The following SLC25A42 variants were observed in gnomAD, a reference collection of about 807,000 sequenced individuals.
SLC25A42 encodes solute carrier family 25 member 42.
SLC25A42 carries 19 observed loss-of-function variants against 34.7 expected under a neutral mutation model. The ratio of observed to expected loss-of-function variants is 0.55; its 90% CI spans 0.38 to 0.80. SLC25A42 has a LOEUF of 0.80. Among genes scored for constraint, SLC25A42 ranks in the 30% least tolerant of loss-of-function variants. The pLI is 0.00. For missense variants in SLC25A42, 364 were observed against 441.3 expected (o/e 0.82, Z 1.57); for synonymous variants, 205 against 191.2 (o/e 1.07, Z -0.59).
In SLC25A42 at chr19:19,077,624, A is replaced by C. The variant is rs111711656; in HGVS notation, c.-35+13509A>C. ...AGTATGCAGCTGGGCACAGTGGCTC[A>C]CACGTGTAATCCCAGCGCTTTGGGA... On this transcript the variant is annotated intron_variant, in intron 1 of 7. Coordinates refer to ENST00000318596, the MANE Select transcript of SLC25A42 (RefSeq NM_178526.5). 3.9e-3 allele frequency among the ~76,000 whole-genome samples: 601 copies of C among 152,346 alleles called. 6 individuals are homozygous for C. Among genetic ancestry groups the C allele is most frequent in the African/African-American group, 0.014 (572 of 41,582 alleles).
intron 1 of SLC25A42, among the ~76,000 whole-genome samples, chr19:19,075,896 G>A (rs6511018): frequency 0.77 from 117,080 of 152,010 alleles, 45,657 homozygotes; most frequent in East Asian, 0.89. Context: ...GGACTTCTCC[G>A]GCCCGATGGT....
chr19:19,085,973 G>A (rs771009881), intron 1 of SLC25A42, among the ~76,000 whole-genome samples: 1 of 152,204 alleles, frequency 6.6e-6, no homozygotes, highest in African/African-American at 2.4e-5. Flanking sequence ...GTGTAGCCAC[G>A]CTGGCTTAGA....
At position 19,089,378 on chromosome 19, in the gene SLC25A42, G is replaced by T. The variant is rs111259787; in HGVS notation, c.-34-6713G>T. Reference sequence around the variant, plus strand: ...CCATCTCTAGTAAAAGTACAAAAAAGTTAGCCAGGCATGGTGGTGCGTGCC... The same window carrying T: ...CCATCTCTAGTAAAAGTACAAAAAATTTAGCCAGGCATGGTGGTGCGTGCC... On this transcript the variant is annotated intron_variant, in intron 1 of 7. Transcript: ENST00000318596. Among the ~76,000 whole-genome samples the T allele has an allele frequency of 1.5e-4, 22 of 151,414 alleles. 1 individual carries two copies. The highest frequency in any genetic ancestry group is 5.3e-4 in the African/African-American group (22 of 41,312).
intron 1 of SLC25A42, among the ~76,000 whole-genome samples, chr19:19,074,714 C>T (rs1400407708): frequency 6.6e-6 from 1 of 150,878 alleles, no homozygotes; most frequent in African/African-American, 2.4e-5. Flanking sequence ...TGTGTGTGTG[C>T]GTGCGTGTAT....
intron 1 of SLC25A42, among the ~76,000 whole-genome samples, chr19:19,078,050 T>A (rs952140982): frequency 6.6e-6 from 1 of 152,208 alleles, no homozygotes; most frequent in Non-Finnish European, 1.5e-5. Flanking sequence ...CCCATTCTCC[T>A]ATGGGTGGTC....
chr19:19,092,526 GGCTGGGCAGGT>G (rs1280127665), intron 1 of SLC25A42, among the ~76,000 whole-genome samples: 1 of 152,192 alleles, frequency 6.6e-6, no homozygotes, highest in Non-Finnish European at 1.5e-5. Flanking sequence ...TGTTCACAGA[GGCTGGGCAGGT>G]GCAGCCAAGG....
chr19:19,082,807 C>G (rs908755910), intron 1 of SLC25A42, among the ~76,000 whole-genome samples: 1 of 151,914 alleles, frequency 6.6e-6, no homozygotes, highest in Non-Finnish European at 1.5e-5. Flanking sequence ...CCACCAAGCC[C>G]AACTAATTTT....
intron 1 of SLC25A42, among the ~76,000 whole-genome samples, chr19:19,092,567 G>T (rs1006215066): frequency 6.6e-6 from 1 of 152,202 alleles, no homozygotes; most frequent in African/African-American, 2.4e-5. Flanking sequence ...AGGCCACAAT[G>T]CCCTTCTGGG....
Sources: gnomAD v4.1 joint callset for allele counts (sites outside exome capture counted in the v4.1 genomes callset) on GRCh38, gnomAD v4.1.1 for gene constraint, MANE v1.5 for transcripts, NCBI Gene and HGNC (gene_info 2026-07-23, HGNC 2026-07-21) for gene names.